Variants in SAMD3 observed in about 807,000 individuals in gnomAD.
SAMD3 encodes sterile alpha motif domain-containing protein 3.
SAMD3 carries 63 observed loss-of-function variants against 58.5 expected under a neutral mutation model. The ratio of observed to expected loss-of-function variants is 1.08; its 90% confidence interval spans 0.88 to 1.33. The LOEUF (loss-of-function observed/expected upper bound fraction) is 1.33. Among genes scored for constraint, SAMD3 ranks in the 40% most tolerant of loss-of-function variants. The probability of loss-of-function intolerance (pLI) is 0.00; values close to 1 mark genes in which losing one functional copy is unlikely to be tolerated. For missense variants in SAMD3, 604 were observed against 608.4 expected, an observed-to-expected ratio of 0.99 and a Z score of 0.08; for synonymous variants, 220 against 210.3, an observed-to-expected ratio of 1.05 and a Z score of -0.40.
intron 1 of SAMD3, among the ~76,000 whole-genome samples, chr6:130,221,071 G>A (rs190580110): frequency 7.2e-5 from 11 of 151,988 alleles, no homozygotes; most frequent in Admixed American, 2.6e-4. Context: ...AGCCAGGATG[G>A]TCTCGATCTC....
Position 130,144,548 on chromosome 6 carries a change from T to G in SAMD3, c.1535A>C (p.Glu512Ala), listed in dbSNP as rs766329291. ...YFPSLKEKEN[E>A]VGFQHPLT ...AGTGAGTGGGTGCTGAAATCCTACT[T>G]CGTTTTCCTTTTCTTTCAAAGAAGG... is the stretch of plus-strand genomic sequence containing the variant. Residue 512 changes from glutamate (E) to alanine (A), a missense_variant, in exon 12 of 12, where the codon GAA becomes GCA. Glu to Ala is a moderately radical substitution (Grantham distance 107). Coordinates refer to ENST00000439090, the MANE Select transcript of SAMD3 (RefSeq NM_001017373.4). The G allele has an allele frequency of 4.3e-6, 7 of 1,613,994 alleles. No individual in the cohort carries two copies. Among genetic ancestry groups the G allele is most frequent in the Non-Finnish European group, 5.9e-6 (7 of 1,179,924 alleles).
intron 2 of SAMD3, among the ~76,000 whole-genome samples, chr6:130,258,207 C>T (rs1045109998): frequency 3.3e-5 from 5 of 151,996 alleles, no homozygotes; most frequent in South Asian, 2.1e-4. Flanking sequence ...TGCCAGCTTT[C>T]GTATTCTTAT....
At chr6:130,202,926 T>C (rs1332376982) in intron 5 of SAMD3, among the ~76,000 whole-genome samples, 1 of 152,116 alleles carries the variant, frequency 6.6e-6, no homozygotes, top group African/African-American at 2.4e-5. Flanking sequence ...TCCCCCGCAG[T>C]GGTGACTGGG....
chr6:130,352,836 A>G (rs1180117048), intron 1 of SAMD3, among the ~76,000 whole-genome samples: 3 of 152,222 alleles, frequency 2.0e-5, no homozygotes, highest in Non-Finnish European at 2.9e-5. Flanking sequence ...CAGAGCTCTT[A>G]TATTAATGAG....
At chr6:130,346,621 C>T (rs1405247438) in intron 1 of SAMD3, among the ~76,000 whole-genome samples, 1 of 152,218 alleles carries the variant, frequency 6.6e-6, no homozygotes, top group Non-Finnish European at 1.5e-5. Flanking sequence ...CCCAAGGAGG[C>T]CTGCCTGCCT....
At chr6:130,318,163 A>G (rs910511085) in intron 1 of SAMD3, among the ~76,000 whole-genome samples, 6 of 152,184 alleles carry the variant, frequency 3.9e-5, no homozygotes, top group African/African-American at 1.4e-4. Flanking sequence ...CACCAGCCAG[A>G]ATGGAAAGCC....
At chr6:130,309,013 C>T (rs773119493) in intron 2 of SAMD3, among the ~76,000 whole-genome samples, 10 of 152,144 alleles carry the variant, frequency 6.6e-5, no homozygotes, top group Non-Finnish European at 1.2e-4. Context: ...GCAAAATCCA[C>T]ACTCATATTT....
At chr6:130,235,501 C>G (rs1419626965) in intron 2 of SAMD3, among the ~76,000 whole-genome samples, 1 of 152,082 alleles carries the variant, frequency 6.6e-6, no homozygotes, top group Non-Finnish European at 1.5e-5. Flanking sequence ...AGTATAAGGT[C>G]ACTGTTATTA....
At chr6:130,229,502 A>C (rs1796480055) in intron 2 of SAMD3, among the ~76,000 whole-genome samples, 1 of 152,144 alleles carries the variant, frequency 6.6e-6, no homozygotes, top group Non-Finnish European at 1.5e-5. Context: ...TGGAAGCTTC[A>C]TGTCTTGTGC....
intron 2 of SAMD3, among the ~76,000 whole-genome samples, chr6:130,233,184 C>T (rs555133577): frequency 1.4e-4 from 22 of 152,152 alleles, no homozygotes; most frequent in South Asian, 6.2e-4. Context: ...TTGTGGATTT[C>T]CATGACCACA....
rs1213506328 is a variant in SAMD3 at position 130,301,265 on chromosome 6, G to T, written c.-188+11713C>A. ...TCTAAGTCTTTGCTATTAAATACCA[G>T]TAGCATTTCTATACATCCAGGATGT... On this transcript the variant is annotated intron_variant, in intron 2 of 13. Transcript: ENST00000368134. Among the ~76,000 whole-genome samples, 5 of 152,000 alleles carry T rather than the reference G, an allele frequency of 3.3e-5. No individual in the cohort carries two copies. The South Asian group carries it at 8.3e-4, about 25-fold the overall frequency.
chr6:130,315,078 G>A (rs1335907690), intron 1 of SAMD3, among the ~76,000 whole-genome samples: 2 of 151,924 alleles, frequency 1.3e-5, no homozygotes, highest in Non-Finnish European at 2.9e-5. Flanking sequence ...AAGCTAATGA[G>A]CATTGAGAAT....
chr6:130,342,417 C>G (rs1338139320), intron 1 of SAMD3, among the ~76,000 whole-genome samples: 1 of 152,124 alleles, frequency 6.6e-6, no homozygotes, highest in East Asian at 1.9e-4. Flanking sequence ...CATTAAGCAT[C>G]ATTTTCAATT....
chr6:130,241,078 A>G (rs1260290816), intron 2 of SAMD3, among the ~76,000 whole-genome samples: 1 of 152,166 alleles, frequency 6.6e-6, no homozygotes, highest in Non-Finnish European at 1.5e-5. Flanking sequence ...GGAGGCAACA[A>G]GACTCCTGCT....
chr6:130,202,364 T>TAA (rs1157500466), intron 5 of SAMD3, among the ~76,000 whole-genome samples: 2 of 152,346 alleles, frequency 1.3e-5, no homozygotes, highest in Admixed American at 6.5e-5. Flanking sequence ...TCATAGCATT[T>TAA]AAGCAAATTT....
At chr6:130,184,860 A>G (rs558854390) in intron 5 of SAMD3, among the ~76,000 whole-genome samples, 1 of 152,366 alleles carries the variant, frequency 6.6e-6, no homozygotes, top group East Asian at 1.9e-4. Flanking sequence ...TCATAATAAT[A>G]TAGACTTTAG....
At chr6:130,193,375 A>G (rs1465920218) in intron 5 of SAMD3, among the ~76,000 whole-genome samples, 2 of 151,008 alleles carry the variant, frequency 1.3e-5, no homozygotes, top group African/African-American at 4.9e-5. Flanking sequence ...GACCTCTTAC[A>G]TCTCTGCACC....
intron 7 of SAMD3, among the ~76,000 whole-genome samples, chr6:130,179,605 CAAAA>C (rs34174182): frequency 8.2e-6 from 1 of 121,294 alleles, no homozygotes; most frequent in Non-Finnish European, 1.7e-5. Context: ...ACTGTCTAGG[CAAAA>C]AAAAAAAAAA....
At chr6:130,151,517 C>G (rs2114568307) in intron 9 of SAMD3, among the ~76,000 whole-genome samples, 1 of 152,274 alleles carries the variant, frequency 6.6e-6, no homozygotes, top group Admixed American at 6.5e-5. Flanking sequence ...TCTCGGCTCA[C>G]CGCACCCTCC....
Sources: gnomAD v4.1 joint callset for allele counts (sites outside exome capture counted in the v4.1 genomes callset) on GRCh38, gnomAD v4.1.1 for gene constraint, MANE v1.5 for transcripts, NCBI Gene and HGNC (gene_info 2026-07-23, HGNC 2026-07-21) for gene names.